Variants in PYGM observed in about 807,000 individuals in gnomAD.
PYGM encodes the protein glycogen phosphorylase, muscle form.
PYGM carries 81 observed loss-of-function variants against 99.3 expected under a neutral mutation model. The observed-to-expected ratio is 0.82, with a 90% CI of 0.68 to 0.98. The LOEUF (loss-of-function observed/expected upper bound fraction) is 0.98. Among genes scored for constraint, PYGM ranks in the 50% least tolerant of loss-of-function variants. The pLI, the probability that PYGM is intolerant of heterozygous loss-of-function variation, is 0.00. For synonymous variants in PYGM, 436 were observed against 451.5 expected, an observed-to-expected ratio of 0.97 and a Z score of 0.44; for missense variants, 1,030 against 1,158.1, an observed-to-expected ratio of 0.89 and a Z score of 1.61.
Position 64,750,391 on chromosome 11 carries a change from T to C in PYGM, c.2162A>G (p.Lys721Arg). 3.1e-6 allele frequency: 5 copies of C among 1,614,082 alleles called. No homozygotes were observed. The highest frequency in any genetic ancestry group is 4.2e-6 in the Non-Finnish European group (5 of 1,179,980). ...IFGMRVEDVD[K>R]LDQRGYNAQE... is the part of the protein sequence containing the mutation. ...ACCCCCATACCCTCTTTGGTCAAGC[T>C]TATCCACATCCTCCACCCGCATGCC... Residue 721 changes from lysine (K) to arginine (R), a missense_variant, in exon 17 of 20, where the codon AAG becomes AGG. Lys to Arg is a conservative substitution (Grantham distance 26). Coordinates refer to ENST00000164139, the MANE Select transcript of PYGM (RefSeq NM_005609.4).
Position 64,753,991 on chromosome 11 carries a change from G to C in PYGM, c.1127C>G (p.Thr376Ser), listed in dbSNP as rs1318866113. ...WDVTVRTCAYTNHTVLPEALE... is the reference protein window; with the variant it reads ...WDVTVRTCAYSNHTVLPEALE... ...GGCCTCGGGCAGCACCGTGTGGTTG[G>C]TGTAGGCACAGGTCCTCACTGTCAC... is the stretch of plus-strand genomic sequence containing the variant. Residue 376 changes from threonine (T) to serine (S), a missense_variant, in exon 10 of 20, where the codon ACC (threonine) becomes AGC (serine). By Grantham distance (58) the Thr-to-Ser change is moderately conservative (BLOSUM62 1). Coordinates refer to ENST00000164139, the MANE Select transcript of PYGM (RefSeq NM_005609.4). 17 of 1,606,824 alleles carry C rather than the reference G, an allele frequency of 1.1e-5. No homozygotes were observed. The highest frequency in any genetic ancestry group is 1.3e-5 in the Non-Finnish European group (15 of 1,176,646).
intron 17 of PYGM, chr11:64,747,781 G>A (rs1372329356): frequency 3.4e-6 from 1 of 297,434 alleles, no homozygotes; most frequent in Admixed American, 4.5e-5. Flanking sequence ...GCTCACGCCT[G>A]TAATCCCAGC....
At position 64,753,519 on chromosome 11, in the gene PYGM, A is replaced by G. The variant is rs1193311638; in HGVS notation, c.1403T>C (p.Ile468Thr). The change falls in exon 11 of 20, where the codon ATC (isoleucine) becomes ACC (threonine). Residue 468 changes from isoleucine (I) to threonine (T), a missense_variant and splice_region_variant. Physicochemically the swap from Ile to Thr is moderately conservative, Grantham distance 89. Transcript: ENST00000164139. Reference sequence around the variant, plus strand: ...GCGGGATCTGGAAAGCGGGGCTCACATGGTCTTCTTGAGGATCTCGGAGTG... The same window carrying G: ...GCGGGATCTGGAAAGCGGGGCTCACGTGGTCTTCTTGAGGATCTCGGAGTG... Reference protein sequence around the residue: ...RIHSEILKKTIFKDFYELEPH... With the variant: ...RIHSEILKKTTFKDFYELEPH... 1.3e-6 allele frequency: 2 copies of G among 1,588,072 alleles called. No individual in the cohort carries two copies. The highest frequency in any genetic ancestry group is 1.7e-6 in the Non-Finnish European group (2 of 1,171,366).
Position 64,754,712 on chromosome 11 carries a change from A to T in PYGM, c.980T>A (p.Phe327Tyr). The change falls in exon 8 of 20, where the codon TTC (phenylalanine) becomes TAC (tyrosine). Residue 327 changes from phenylalanine to tyrosine, a missense_variant. Phe to Tyr is a conservative substitution (Grantham distance 22). Coordinates refer to ENST00000164139, the MANE Select transcript of PYGM (RefSeq NM_005609.4). The surrounding 1 kb of genome is among the most constrained non-coding windows in gnomAD (Gnocchi z 5.5). ...FGCRDPVRTN[F>Y]DAFPDKVAIQ... ...TGGTACCTTATCTGGGAAGGCATCG[A>T]AGTTCGTGCGCACGGGATCACGGCA... is the stretch of plus-strand genomic sequence containing the variant. 1.2e-6 allele frequency: 2 copies of T among 1,613,714 alleles called. No individual in the cohort carries two copies. Among genetic ancestry groups the T allele is most frequent in the Non-Finnish European group, 1.7e-6 (2 of 1,179,968 alleles).
intron 15 of PYGM, 51 bp downstream of exon 15, chr11:64,751,546 A>C (rs371698658): frequency 2.0e-5 from 33 of 1,613,920 alleles, no homozygotes; most frequent in Non-Finnish European, 2.6e-5. Context: ...GCTGACCTCA[A>C]CCTGGATATA....
chr11:64,749,793 AT>A (rs71049658), intron 17 of PYGM, among the ~76,000 whole-genome samples: 18,592 of 136,114 alleles, frequency 0.14, 1,244 homozygotes, highest in East Asian at 0.36. Context: ...GGGAGCAAGG[AT>A]TTTTTTTTTT....
At chr11:64,753,233 TGAA>T (rs750203293) in intron 11 of PYGM, 46 bp from the exon 12 acceptor site, 2 of 1,525,912 alleles carry the variant, frequency 1.3e-6, no homozygotes, top group South Asian at 2.2e-5. Flanking sequence ...CCCTGTACAA[TGAA>T]GGCCTCTGCC....
chr11:64,755,437 A>G lies in PYGM; in HGVS notation c.772+10T>C. ...AGCTGGGGTTGCTGGCTACCAGTGG[A>G]TGAACTCACAGTCCTTGAGGTTGAA... On this transcript the variant is annotated intron_variant, in intron 6 of 19. Coordinates refer to ENST00000164139, the MANE Select transcript of PYGM (RefSeq NM_005609.4). This position sits in a 1 kb window ranked among gnomAD's most constrained non-coding sequence, Gnocchi z 4.1. 6.2e-7 allele frequency: 1 copy of G among 1,613,696 alleles called. No individual in the cohort carries two copies. The highest frequency in any genetic ancestry group is 8.5e-7 in the Non-Finnish European group (1 of 1,179,588).
Position 64,755,170 on chromosome 11 carries a change from C to T in PYGM, c.855+103G>A, listed in dbSNP as rs527266045. On this transcript the variant is annotated intron_variant, in intron 7 of 19. Coordinates refer to ENST00000164139, the MANE Select transcript of PYGM (RefSeq NM_005609.4). This position sits in a 1 kb window ranked among gnomAD's most constrained non-coding sequence, Gnocchi z 4.1. ...AGGATGCACAAGGCCAGCAATATGC[C>T]CTGGGTGTGACTAGGGCACCAGCAA... 4 of 1,323,724 alleles carry T rather than the reference C, an allele frequency of 3.0e-6. No homozygotes were observed. In the African/African-American group the frequency reaches 5.8e-5, roughly 19 times the overall value. The allele number at this position is 1,323,724 out of a possible 1,614,324, so 82.0% of individuals were successfully genotyped here. A position where few individuals can be genotyped will look rare whatever the true frequency, so the allele number is the denominator to read the frequency against.
chr11:64,749,492 A>G (rs2058338472), intron 17 of PYGM, among the ~76,000 whole-genome samples: 1 of 151,740 alleles, frequency 6.6e-6, no homozygotes, highest in Non-Finnish European at 1.5e-5. Context: ...AATGCAAAAA[A>G]TTAGCCAGGC....
At position 64,750,601 on chromosome 11, in the gene PYGM, G is replaced by A; in HGVS notation, c.1970-18C>T. ...TGGGATCACTGTGGGGTGGCAGCAG[G>A]GGGACAAGTCAACTCAGGGAAGACC... On this transcript the variant is annotated intron_variant, in intron 16 of 19. Coordinates refer to ENST00000164139, the MANE Select transcript of PYGM (RefSeq NM_005609.4). 1 of 1,612,832 alleles carries A rather than the reference G, an allele frequency of 6.2e-7. No homozygotes were observed. Among genetic ancestry groups the A allele is most frequent in the Non-Finnish European group, 8.5e-7 (1 of 1,179,358 alleles).
At chr11:64,750,307 T>C (rs2058345429) in intron 17 of PYGM, 69 bp downstream of exon 17, 4 of 1,565,768 alleles carry the variant, frequency 2.6e-6, no homozygotes, top group Non-Finnish European at 2.6e-6. Context: ...GACGTGCCGC[T>C]TGCTCCCAGC....
chr11:64,754,942 C>T lies in PYGM; in HGVS notation c.856-106G>A. On this transcript the variant is annotated intron_variant, in intron 7 of 19. Transcript: ENST00000164139. This position sits in a 1 kb window ranked among gnomAD's most constrained non-coding sequence, Gnocchi z 5.5. ...CCCACCCATACCGGGACCCCTGAGC[C>T]CTGAGCCGGCCCCCTCTCTGGGACC... is the stretch of plus-strand genomic sequence containing the variant. 6.8e-7 allele frequency: 1 copy of T among 1,476,094 alleles called. No homozygotes were observed. Among genetic ancestry groups the T allele is most frequent in the Non-Finnish European group, 9.1e-7 (1 of 1,094,192 alleles). 91.4% of individuals were successfully genotyped at this position (1,476,094 alleles called of 1,614,324 possible). A position where few individuals can be genotyped will look rare whatever the true frequency, so the allele number is the denominator to read the frequency against.
At position 64,757,760 on chromosome 11, in the gene PYGM, C is replaced by T. The variant is rs762150795; in HGVS notation, c.660+19G>A. The T allele has an allele frequency of 1.2e-6, 2 of 1,613,896 alleles. No individual in the cohort carries two copies. The highest frequency in any genetic ancestry group is 1.3e-5 in the African/African-American group (1 of 74,946). On this transcript the variant is annotated intron_variant, in intron 5 of 19. Coordinates refer to ENST00000164139, the MANE Select transcript of PYGM (RefSeq NM_005609.4). Reference sequence around the variant, plus strand: ...CCTCCCCTTCTCTGGGCTCCCCTGACCCCCAGCTTCATCCTCACCTGTGTG... The same window carrying T: ...CCTCCCCTTCTCTGGGCTCCCCTGATCCCCAGCTTCATCCTCACCTGTGTG...
Position 64,758,527 on chromosome 11 carries a change from A to G in PYGM, c.346-12T>C, listed in dbSNP as rs762682809. ...ATGTCCAGGCCCAGCTGGAGGAGTG[A>G]GGGTGACAGTGGTCAGGGTCAAGTG... On this transcript the variant is annotated splice_polypyrimidine_tract_variant and intron_variant, in intron 2 of 19. Transcript: ENST00000164139. 19 of 1,613,950 alleles carry G rather than the reference A, an allele frequency of 1.2e-5. No individual in the cohort carries two copies. The highest frequency in any genetic ancestry group is 1.6e-5 in the Non-Finnish European group (19 of 1,179,992).
At chr11:64,752,670 A>G (rs986398839) in intron 12 of PYGM, among the ~76,000 whole-genome samples, 166 bp from the exon 13 acceptor site, 11 of 152,020 alleles carry the variant, frequency 7.2e-5, no homozygotes, top group African/African-American at 2.7e-4. Context: ...CGGGGCATCC[A>G]TGCACCTTCC....
intron 5 of PYGM, among the ~76,000 whole-genome samples, chr11:64,757,356 A>G (rs1405354616): frequency 1.3e-5 from 2 of 151,956 alleles, no homozygotes; most frequent in Non-Finnish European, 2.9e-5. Flanking sequence ...CTGTGTCTAG[A>G]TTTGGTTTGG....
At position 64,751,604 on chromosome 11, in the gene PYGM, C is replaced by A. The variant is rs1194416311; in HGVS notation, c.1820G>T (p.Gly607Val). ...KFFVPRTVMI[G>V]GKAAPGYHMA... ...TGGAGCCTGGCTTCTCACCTTCCCT[C>A]CAATCATCACAGTCCGAGGCACAAA... The change falls in exon 15 of 20, where the codon GGA becomes GTA. Residue 607 changes from glycine (G) to valine (V), a missense_variant. Gly to Val is a moderately radical substitution (Grantham distance 109). Coordinates refer to ENST00000164139, the MANE Select transcript of PYGM (RefSeq NM_005609.4). The A allele has an allele frequency of 6.2e-7, 1 of 1,614,066 alleles. No individual in the cohort carries two copies. The highest frequency in any genetic ancestry group is 1.1e-5 in the South Asian group (1 of 91,084).
chr11:64,758,284 A>G lies in PYGM; in HGVS notation c.490T>C (p.Phe164Leu). 1 of 1,613,790 alleles carries G rather than the reference A, an allele frequency of 6.2e-7. No homozygotes were observed. Among genetic ancestry groups the G allele is most frequent in the Non-Finnish European group, 8.5e-7 (1 of 1,179,924 alleles). Residue 164 changes from phenylalanine (F) to leucine (L), a missense_variant, in exon 4 of 20, where the codon TTT (phenylalanine) becomes CTT (leucine). Physicochemically the swap from Phe to Leu is conservative, Grantham distance 22. Coordinates refer to ENST00000164139, the MANE Select transcript of PYGM (RefSeq NM_005609.4). ...GAGATCTTCTGGTTAAAAATCCCAA[A>G]CTCATAGCGAATCCCGTAGCCATAG... ...AAYGYGIRYE[F>L]GIFNQKISGG...
Sources: allele counts gnomAD v4.1 joint callset (sites outside exome capture counted in the v4.1 genomes callset), GRCh38; gene constraint gnomAD v4.1.1; non-coding constraint Gnocchi (gnomAD v3.1); transcripts MANE v1.5; gene names NCBI Gene and HGNC (gene_info 2026-07-23, HGNC 2026-07-21).